ZMYM2: variants seen among roughly 807,000 people sequenced by gnomAD.
The protein encoded by ZMYM2 is zinc finger MYM-type protein 2.
In ZMYM2, 56 loss-of-function variants were observed where a neutral mutation model predicts 162.8. The ratio of observed to expected loss-of-function variants is 0.34; its 90% confidence interval spans 0.28 to 0.43. The LOEUF (loss-of-function observed/expected upper bound fraction) is 0.43, where lower values mean the gene tolerates loss of function less well. Ranked by LOEUF, ZMYM2 falls within the 20% of genes least tolerant of loss-of-function variation. ZMYM2 has a pLI of 1.00. For synonymous variants in ZMYM2, 510 were observed against 541.6 expected, an observed-to-expected ratio of 0.94 and a Z score of 0.81; for missense variants, 1,275 against 1,621.8, an observed-to-expected ratio of 0.79 and a Z score of 3.67.
chr13:20,058,662 A>G lies in ZMYM2; in HGVS notation c.2581A>G (p.Thr861Ala). Residue 861 changes from threonine to alanine, a missense_variant, in exon 15 of 25, where the codon ACT becomes GCT. This residue lies in a region of ZMYM2 where 177 missense variants were observed against 228.0 expected (regional missense o/e 0.78). Transcript: ENST00000610343. ...LCKPLTMTKA[T>A]YCKPHMQTKS... ...CAAACCTTTAACAATGACAAAAGCT[A>G]CTTACTGTAAACCTCACATGCAGAC... The G allele has an allele frequency of 7.4e-6, 12 of 1,613,832 alleles. No individual in the cohort carries two copies. The highest frequency in any genetic ancestry group is 1.0e-5 in the Non-Finnish European group (12 of 1,179,790).
At chr13:19,968,335 C>T (rs1011304615) in intron 2 of ZMYM2, among the ~76,000 whole-genome samples, 4 of 151,092 alleles carry the variant, frequency 2.6e-5, no homozygotes, top group African/African-American at 4.9e-5. Context: ...CTCCGCCTCC[C>T]GGGTTCAAGC....
chr13:20,034,248 A>G lies in ZMYM2; in HGVS notation c.1969-6A>G, dbSNP rs754031822. On this transcript the variant is annotated splice_polypyrimidine_tract_variant and splice_region_variant and intron_variant, in intron 10 of 24. Transcript: ENST00000610343. The stretch of plus-strand genomic sequence containing the variant: ...ATACTTACCAAGGTTCCCATTGTGC[A>G]TTTAGAACAAAGTGCATCAGTTCTG... 69 of 1,574,278 alleles carry G rather than the reference A, an allele frequency of 4.4e-5. No individual in the cohort carries two copies. Among genetic ancestry groups the G allele is most frequent in the East Asian group, 4.6e-5 (2 of 43,316 alleles).
At chr13:20,034,925 T>G (rs991619696) in intron 11 of ZMYM2, among the ~76,000 whole-genome samples, 1 of 152,242 alleles carries the variant, frequency 6.6e-6, no homozygotes, top group African/African-American at 2.4e-5. Context: ...TTTGCTGCTC[T>G]GGTGCCAGGC....
the ZMYM2 span, among the ~76,000 whole-genome samples, chr13:19,925,360 G>C: frequency 6.6e-6 from 1 of 152,072 alleles, no homozygotes; most frequent in South Asian, 2.1e-4. Flanking sequence ...GTTATCAAGT[G>C]CTTCTTCCAC....
chr13:19,950,259 G>A, the ZMYM2 span, among the ~76,000 whole-genome samples: 1 of 152,016 alleles, frequency 6.6e-6, no homozygotes. Context: ...TTGGAAGTAG[G>A]AAAAAGTATG....
At chr13:20,036,026 G>A (rs1953660723) in intron 11 of ZMYM2, among the ~76,000 whole-genome samples, 2 of 152,096 alleles carry the variant, frequency 1.3e-5, no homozygotes, top group African/African-American at 4.8e-5. Context: ...AGCATTTGTG[G>A]TAGGGGGATA....
At chr13:19,886,431 G>A in the ZMYM2 span, among the ~76,000 whole-genome samples, 3 of 151,640 alleles carry the variant, frequency 2.0e-5, no homozygotes, top group Non-Finnish European at 2.9e-5. Context: ...CCAAAGTGCT[G>A]GGTTTACAGG....
chr13:20,065,687 C>T lies in ZMYM2; in HGVS notation c.3132+1142C>T, dbSNP rs942335957. 2.0e-5 allele frequency among the ~76,000 whole-genome samples: 3 copies of T among 151,958 alleles called. 1 individual carries two copies. In the South Asian group the frequency reaches 6.2e-4, roughly 32 times the overall value. On this transcript the variant is annotated intron_variant, in intron 19 of 24. Coordinates refer to ENST00000610343, the MANE Select transcript of ZMYM2 (RefSeq NM_197968.4). ...GGCATGGTGGCACGTGCCTGCAGTC[C>T]CAGCTACCCAGGAGGAGGATCGAGG...
At chr13:19,899,925 CT>C in the ZMYM2 span, among the ~76,000 whole-genome samples, 1 of 150,388 alleles carries the variant, frequency 6.6e-6, no homozygotes, top group African/African-American at 2.4e-5. Flanking sequence ...TACATTGACT[CT>C]GAAAAAAAAA....
At chr13:19,913,129 A>T in the ZMYM2 span, among the ~76,000 whole-genome samples, 2 of 152,168 alleles carry the variant, frequency 1.3e-5, no homozygotes, top group Admixed American at 6.6e-5. Flanking sequence ...CAGGGATGTT[A>T]TCTGGAGCCT....
intron 2 of ZMYM2, among the ~76,000 whole-genome samples, chr13:19,975,448 C>T (rs961720939): frequency 9.8e-5 from 15 of 152,314 alleles, no homozygotes; most frequent in African/African-American, 7.2e-5. Flanking sequence ...TGGCCTACTT[C>T]ACTTAGCATA....
intron 6 of ZMYM2, among the ~76,000 whole-genome samples, chr13:20,010,091 T>C (rs1340486568): frequency 6.6e-6 from 1 of 152,250 alleles, no homozygotes; most frequent in African/African-American, 2.4e-5. Context: ...TTTTAAGCTT[T>C]TGATTTTTCT....
the ZMYM2 span, among the ~76,000 whole-genome samples, chr13:19,912,300 T>C: frequency 1.3e-5 from 2 of 150,834 alleles, no homozygotes; most frequent in Non-Finnish European, 1.5e-5. Context: ...GGGTTTTTTT[T>C]TTTTTTTTTT....
the ZMYM2 span, among the ~76,000 whole-genome samples, chr13:19,876,836 C>A: frequency 6.6e-6 from 1 of 152,252 alleles, no homozygotes; most frequent in Middle Eastern, 3.4e-3. Flanking sequence ...ATTCTACTTT[C>A]TGTATGTATG....
chr13:19,960,450 G>A (rs1189830438), intron 2 of ZMYM2, among the ~76,000 whole-genome samples: 1 of 152,206 alleles, frequency 6.6e-6, no homozygotes, highest in African/African-American at 2.4e-5. Flanking sequence ...TGGAAACATA[G>A]AAATAATCAT....
chr13:19,966,413 T>C (rs1005467160), intron 2 of ZMYM2, among the ~76,000 whole-genome samples: 1 of 149,972 alleles, frequency 6.7e-6, no homozygotes, highest in Non-Finnish European at 1.5e-5. Flanking sequence ...GGATTACAGA[T>C]GTGAACCACT....
At chr13:19,877,436 C>T in the ZMYM2 span, among the ~76,000 whole-genome samples, 4 of 152,302 alleles carry the variant, frequency 2.6e-5, no homozygotes, top group Non-Finnish European at 2.9e-5. Context: ...TACCTACCTA[C>T]TCTCATGGGA....
intron 24 of ZMYM2, 87 bp downstream of exon 24, chr13:20,083,863 G>C: frequency 7.6e-7 from 1 of 1,317,692 alleles, no homozygotes; most frequent in Non-Finnish European, 1.0e-6. Context: ...GACTTTTTTA[G>C]ATGGATTCTT....
chr13:19,955,918 A>G (rs1361974507), upstream of ZMYM2, among the ~76,000 whole-genome samples: 1 of 152,204 alleles, frequency 6.6e-6, no homozygotes, highest in African/African-American at 2.4e-5. Flanking sequence ...TGCCTCTTGG[A>G]TGTCTGGTAT....
Sources: allele counts gnomAD v4.1 joint callset (sites outside exome capture counted in the v4.1 genomes callset), GRCh38; gene constraint gnomAD v4.1.1; regional missense constraint gnomAD v4.1.1; transcripts MANE v1.5; gene names NCBI Gene and HGNC (gene_info 2026-07-23, HGNC 2026-07-21).